SDC4: variants seen among roughly 807,000 people sequenced by gnomAD.
SDC4 encodes syndecan 4.
Under a neutral mutation model 20.5 loss-of-function variants are expected in SDC4, and 17 were observed. The ratio of observed to expected loss-of-function variants is 0.83; its 90% CI spans 0.57 to 1.25. The LOEUF is 1.25. Among genes scored for constraint, SDC4 ranks in the 50% most tolerant of loss-of-function variants. SDC4 has a pLI of 0.00. For missense variants in SDC4, 241 were observed against 252.3 expected (o/e 0.96, Z 0.30); for synonymous variants, 107 against 105.3 (o/e 1.02, Z -0.10).
At chr20:45,343,287 C>T (rs576985335) in intron 1 of SDC4, among the ~76,000 whole-genome samples, 4 of 152,298 alleles carry the variant, frequency 2.6e-5, no homozygotes, top group South Asian at 2.1e-4. Flanking sequence ...TGAAAACATA[C>T]GAGAAACTGG....
Position 45,327,242 on chromosome 20 carries a change from A to G in SDC4, c.*22T>C. 6.2e-7 allele frequency: 1 copy of G among 1,613,746 alleles called. No homozygotes were observed. The highest frequency in any genetic ancestry group is 8.5e-7 in the Non-Finnish European group (1 of 1,179,794). On this transcript the variant is annotated 3_prime_UTR_variant, in exon 5 of 5. Transcript: ENST00000372733. ...TGGCTTCCCTCCCCGCTAAAGTCCA[A>G]GCCAGTGCCCACAAGCAAGCTTCAC... is the stretch of plus-strand genomic sequence containing the variant.
rs766035217 is a variant in SDC4, at chr20:45,326,457, A to G, written c.*807T>C. ...CTTCTCTCATTTTCAAGAAACAAAC[A>G]AAAACAAAAACAAAAACCATTAAAT... On this transcript the variant is annotated 3_prime_UTR_variant, in exon 5 of 5. Transcript: ENST00000372733. 5 of 151,994 alleles carry G rather than the reference A, an allele frequency of 3.3e-5. No individual in the cohort carries two copies. The highest frequency in any genetic ancestry group is 7.4e-5 in the Non-Finnish European group (5 of 68,000). 9.4% of individuals were successfully genotyped at this position (151,994 alleles called of 1,614,324 possible).
At chr20:45,334,307 T>G (rs1177154553) in intron 2 of SDC4, among the ~76,000 whole-genome samples, 3 of 151,748 alleles carry the variant, frequency 2.0e-5, no homozygotes, top group African/African-American at 7.3e-5. Context: ...AAAATCTACA[T>G]TTTAACAAGA....
chr20:45,327,638 G>T (rs1008362090), intron 4 of SDC4, among the ~76,000 whole-genome samples: 11 of 152,172 alleles, frequency 7.2e-5, no homozygotes, highest in Non-Finnish European at 1.5e-4. Context: ...CAGGGCTAGT[G>T]GTAAGGCCAC....
rs1042601233 is a variant in SDC4, at chr20:45,325,635, C to G, written c.*1629G>C. On this transcript the variant is annotated 3_prime_UTR_variant, in exon 5 of 5. Transcript: ENST00000372733. Reference sequence around the variant, plus strand: ...ATCAGCCCTCCCCCATTCCCCCCCCCCTACCCAGGGAGACAAGGGTCGTCC... The same window carrying G: ...ATCAGCCCTCCCCCATTCCCCCCCCGCTACCCAGGGAGACAAGGGTCGTCC... The G allele has an allele frequency of 3.2e-4, 6 of 18,912 alleles. No individual in the cohort carries two copies. Among genetic ancestry groups the G allele is most frequent in the African/African-American group, 2.2e-3 (5 of 2,288 alleles). The allele number at this position is 18,912 out of a possible 1,614,324, so 1.2% of individuals were successfully genotyped here.
intron 4 of SDC4, 86 bp from the exon 5 acceptor site, chr20:45,327,501 C>G: frequency 2.8e-6 from 4 of 1,415,314 alleles, no homozygotes; most frequent in Non-Finnish European, 3.8e-6. Context: ...ACTGTCAGTT[C>G]TCTTACAACC....
In SDC4 at chr20:45,348,306, G is replaced by C. The variant is rs945285101; in HGVS notation, c.60+19C>G. On this transcript the variant is annotated intron_variant, in intron 1 of 4. Transcript: ENST00000372733. Reference sequence around the variant, plus strand: ...GCGCCCCCGCTTCGCCCCCAGCCCGGGAACCTCCAAGCACCCACCGACTCG... The same window carrying C: ...GCGCCCCCGCTTCGCCCCCAGCCCGCGAACCTCCAAGCACCCACCGACTCG... 6 of 1,565,414 alleles carry C rather than the reference G, an allele frequency of 3.8e-6. No homozygotes were observed. In the African/African-American group the frequency reaches 8.5e-5, roughly 22 times the overall value.
At chr20:45,330,306 T>C (rs1987756223) in intron 4 of SDC4, 60 bp downstream of exon 4, 4 of 1,489,140 alleles carry the variant, frequency 2.7e-6, no homozygotes, top group Non-Finnish European at 3.7e-6. Context: ...CTGCAGGTGC[T>C]CTCCCCCGCT....
chr20:45,337,629 C>CT (rs766394191), intron 1 of SDC4, among the ~76,000 whole-genome samples: 12 of 152,232 alleles, frequency 7.9e-5, no homozygotes, highest in Non-Finnish European at 1.6e-4. Flanking sequence ...ACATCTGTCC[C>CT]TAAGATAAGG....
chr20:45,336,398 G>T (rs971061470), intron 1 of SDC4, among the ~76,000 whole-genome samples: 1 of 152,180 alleles, frequency 6.6e-6, no homozygotes, highest in Non-Finnish European at 1.5e-5. Flanking sequence ...GAGCTACAGA[G>T]TGGGACCCCC....
chr20:45,330,653 C>G, intron 3 of SDC4, 89 bp from the exon 4 acceptor site: 2 of 1,139,756 alleles, frequency 1.8e-6, no homozygotes, highest in Non-Finnish European at 2.6e-6. Context: ...GGCAGAGAAT[C>G]TGGTTCTGCC....
intron 1 of SDC4, among the ~76,000 whole-genome samples, chr20:45,338,831 C>T (rs1031413288): frequency 2.6e-5 from 4 of 152,154 alleles, no homozygotes; most frequent in East Asian, 1.9e-4. Context: ...CCCGGGGCTC[C>T]GCGGCACGGC....
intron 4 of SDC4, among the ~76,000 whole-genome samples, chr20:45,328,693 T>A (rs1249651160): frequency 6.6e-6 from 1 of 152,114 alleles, no homozygotes; most frequent in Non-Finnish European, 1.5e-5. Context: ...CCTAATTCGG[T>A]CTTACTCGGG....
intron 1 of SDC4, among the ~76,000 whole-genome samples, chr20:45,347,058 T>G (rs1027158876): frequency 1.3e-5 from 2 of 152,164 alleles, no homozygotes; most frequent in Non-Finnish European, 2.9e-5. Flanking sequence ...CTCCTGGATA[T>G]ACCCATTAGA....
intron 1 of SDC4, among the ~76,000 whole-genome samples, chr20:45,339,551 T>G (rs1987924767): frequency 6.6e-6 from 1 of 152,182 alleles, no homozygotes; most frequent in South Asian, 2.1e-4. Context: ...GAGTTTGAGA[T>G]CAGCCTGGGC....
rs1369479362 is a variant in SDC4 at position 45,326,224 on chromosome 20, T to C, written c.*1040A>G. On this transcript the variant is annotated 3_prime_UTR_variant, in exon 5 of 5. Transcript: ENST00000372733. ...GGGATCTGCTAAAAAAAAACTATGT[T>C]TCGGCAAAAGCTATTTTATAAGAGG... is the stretch of plus-strand genomic sequence containing the variant. 6.8e-6 allele frequency: 1 copy of C among 147,030 alleles called. No homozygotes were observed. Among genetic ancestry groups the C allele is most frequent in the Non-Finnish European group, 1.5e-5 (1 of 65,750 alleles). 9.1% of individuals were successfully genotyped at this position (147,030 alleles called of 1,614,324 possible).
In SDC4 at chr20:45,327,192, C is replaced by T. The variant is rs1987704200; in HGVS notation, c.*72G>A. On this transcript the variant is annotated 3_prime_UTR_variant, in exon 5 of 5. Transcript: ENST00000372733. ...AGTATTAGGTTGACCTCACCCTACC[C>T]TAATGTCCACCCTTCAAAATCCCCT... The T allele has an allele frequency of 4.5e-6, 7 of 1,561,740 alleles. No individual in the cohort carries two copies. Among genetic ancestry groups the T allele is most frequent in the South Asian group, 3.4e-5 (3 of 88,484 alleles).
rs148224552 is a variant in SDC4, at chr20:45,335,827, C to G, written c.154G>C (p.Gly52Arg). 9 of 1,614,028 alleles carry G rather than the reference C, an allele frequency of 5.6e-6. No homozygotes were observed. The South Asian group carries it at 6.6e-5, about 12-fold the overall frequency. Residue 52 changes from glycine (G) to arginine (R), a missense_variant, in exon 2 of 5, where the codon GGG becomes CGG. Transcript: ENST00000372733. The part of the protein sequence containing the change: ...LPDDEDVVGP[G>R]QESDDFELSG... The stretch of plus-strand genomic sequence containing the variant: ...AGCTCAAAGTCATCAGATTCCTGCC[C>G]GGGCCCCACTACATCCTCATCGTCT...
chr20:45,348,343 T>C lies in SDC4; in HGVS notation c.42A>G (p.Val14=). The part of the protein sequence containing the change: ...ARLFALLLFF[V]GGVAESIRET... ...CACCCACCGACTCGGCGACTCCGCC[T>C]ACGAAGAACAGCAGCAGCGCGAACA... is the stretch of plus-strand genomic sequence containing the variant. Residue 14 remains valine, a synonymous_variant, in exon 1 of 5, where the codon GTA becomes GTG. Transcript: ENST00000372733. 6.3e-7 allele frequency: 1 copy of C among 1,590,506 alleles called. No individual in the cohort carries two copies. The highest frequency in any genetic ancestry group is 1.1e-5 in the South Asian group (1 of 87,740).
Sources: gnomAD v4.1 joint callset for allele counts (sites outside exome capture counted in the v4.1 genomes callset) on GRCh38, gnomAD v4.1.1 for gene constraint, MANE v1.5 for transcripts, NCBI Gene and HGNC (gene_info 2026-07-23, HGNC 2026-07-21) for gene names.